The following CD163L1 variants were observed in gnomAD, a reference collection of about 807,000 sequenced individuals.
The protein encoded by CD163L1 is scavenger receptor cysteine-rich type 1 protein M160.
CD163L1 carries 124 observed loss-of-function variants against 165.4 expected under a neutral mutation model. That is an observed-to-expected ratio of 0.75 (90% CI 0.65 to 0.87). The LOEUF (loss-of-function observed/expected upper bound fraction) is 0.87. Among genes scored for constraint, CD163L1 ranks in the 40% least tolerant of loss-of-function variants. CD163L1 has a pLI of 0.00. For synonymous variants in CD163L1, 585 were observed against 662.2 expected, an observed-to-expected ratio of 0.88 and a Z score of 1.79; for missense variants, 1,525 against 1,799.9, an observed-to-expected ratio of 0.85 and a Z score of 2.76.
At chr12:7,357,263 G>T in intron 19 of CD163L1, 117 bp downstream of exon 19, 2 of 611,556 alleles carry the variant, frequency 3.3e-6, no homozygotes, top group East Asian at 2.9e-5. Flanking sequence ...AAATACTGGG[G>T]ATATGAACCA....
chr12:7,375,633 T>C (rs779037416), intron 10 of CD163L1, 38 bp from the exon 11 acceptor site: 1 of 1,610,176 alleles, frequency 6.2e-7, no homozygotes, highest in Non-Finnish European at 8.5e-7. Context: ...ACATCATGAC[T>C]TATCAGCTCC....
chr12:7,440,793 ATT>A (rs1457739330), intron 2 of CD163L1, among the ~76,000 whole-genome samples: 1 of 151,750 alleles, frequency 6.6e-6, no homozygotes, highest in Non-Finnish European at 1.5e-5. Context: ...CACCCGGCTA[ATT>A]TTTGTATTTT....
chr12:7,381,577 A>G (rs1947408953), intron 8 of CD163L1, among the ~76,000 whole-genome samples: 1 of 152,192 alleles, frequency 6.6e-6, no homozygotes, highest in South Asian at 2.1e-4. Context: ...TTTCAAAACA[A>G]TAATCATGTG....
intron 8 of CD163L1, among the ~76,000 whole-genome samples, chr12:7,394,997 G>A (rs1279956313): frequency 1.3e-5 from 2 of 152,188 alleles, no homozygotes; most frequent in Non-Finnish European, 2.9e-5. Flanking sequence ...CTGTTGGTGG[G>A]AGTGTAAATT....
At chr12:7,386,603 TCA>T (rs1947522382) in intron 8 of CD163L1, among the ~76,000 whole-genome samples, 1 of 16,756 alleles carries the variant, frequency 6.0e-5, no homozygotes. Flanking sequence ...CGTCAACATA[TCA>T]AAAAAAAAAA....
Position 7,379,255 on chromosome 12 carries a change from C to T in CD163L1, c.2094G>A (p.Arg698=). The part of the protein sequence containing the change: ...MELRLVGGSS[R]CAGKVEVNVQ... Reference sequence around the variant, plus strand: ...CATTCACCTCAACTTTTCCAGCACACCTGCTGCTTCCACCCACAAGCCTCA... The same window carrying T: ...CATTCACCTCAACTTTTCCAGCACATCTGCTGCTTCCACCCACAAGCCTCA... The change falls in exon 9 of 20, where the codon AGG becomes AGA. Residue 698 remains arginine, a synonymous_variant. Transcript: ENST00000313599. 1 of 1,614,166 alleles carries T rather than the reference C, an allele frequency of 6.2e-7. No homozygotes were observed. The highest frequency in any genetic ancestry group is 8.5e-7 in the Non-Finnish European group (1 of 1,180,010).
chr12:7,352,889 G>C (rs1946717055), downstream of CD163L1, among the ~76,000 whole-genome samples: 1 of 151,980 alleles, frequency 6.6e-6, no homozygotes, highest in South Asian at 2.1e-4. Flanking sequence ...AAAATGTACA[G>C]CTCTAAACAA....
intron 2 of CD163L1, among the ~76,000 whole-genome samples, chr12:7,440,301 G>T (rs1948811256): frequency 6.6e-6 from 1 of 151,542 alleles, no homozygotes; most frequent in Admixed American, 6.6e-5. Flanking sequence ...ACTGCGCAGT[G>T]CCGCGCCCGG....
the CD163L1 span, among the ~76,000 whole-genome samples, chr12:7,321,641 C>T: frequency 4.6e-5 from 7 of 152,208 alleles, no homozygotes; most frequent in Non-Finnish European, 1.0e-4. Context: ...TTGTATTCTA[C>T]CCACACCCTC....
chr12:7,337,599 A>G, the CD163L1 span, among the ~76,000 whole-genome samples: 2 of 152,210 alleles, frequency 1.3e-5, no homozygotes, highest in African/African-American at 2.4e-5. Context: ...GAGAAATGCA[A>G]ATCAAAACCA....
chr12:7,439,012 G>T lies in CD163L1; in HGVS notation c.124+2142C>A, dbSNP rs774106499. ...TTCTCGGGGTCTTCTTTTTCCTCCT[G>T]CCTCTGACATCGGTATCCTCCTCAG... On this transcript the variant is annotated intron_variant, in intron 2 of 19. Transcript: ENST00000313599. 6 of 1,604,798 alleles carry T rather than the reference G, an allele frequency of 3.7e-6. No homozygotes were observed. In the South Asian group the frequency reaches 6.6e-5, roughly 18 times the overall value.
intron 6 of CD163L1, 26 bp downstream of exon 6, chr12:7,403,509 A>T (rs1316880331): frequency 1.9e-6 from 3 of 1,580,674 alleles, no homozygotes; most frequent in Non-Finnish European, 2.6e-6. Flanking sequence ...TCAAATGTGT[A>T]CACTCTCATG....
chr12:7,439,888 A>G, intron 2 of CD163L1: 2 of 1,604,260 alleles, frequency 1.2e-6, no homozygotes. Context: ...ATCCCCGCCC[A>G]CTACTCCAAC....
At chr12:7,380,990 C>T (rs1947394754) in intron 8 of CD163L1, among the ~76,000 whole-genome samples, 2 of 151,908 alleles carry the variant, frequency 1.3e-5, no homozygotes, top group African/African-American at 4.8e-5. Flanking sequence ...AATAATATTG[C>T]CTACTAATTT....
At chr12:7,422,751 ATG>A (rs72061380) in intron 4 of CD163L1, among the ~76,000 whole-genome samples, 97,152 of 143,688 alleles carry the variant, frequency 0.68, 34,001 homozygotes, top group Middle Eastern at 0.82. Flanking sequence ...ATATATACAT[ATG>A]TGTGTGTGTG....
At chr12:7,442,071 T>C (rs1433976941) in intron 1 of CD163L1, among the ~76,000 whole-genome samples, 2 of 152,180 alleles carry the variant, frequency 1.3e-5, no homozygotes, top group East Asian at 1.9e-4. Flanking sequence ...ATTTACATTA[T>C]AGAAAGATTA....
rs771801356 is a variant in CD163L1, at chr12:7,441,240, C to A, written c.38G>T (p.Gly13Val). The change falls in exon 2 of 20, where the codon GGA (glycine) becomes GTA (valine). Residue 13 changes from glycine (G) to valine (V), a missense_variant. Physicochemically the swap from Gly to Val is moderately radical, Grantham distance 109 (BLOSUM62 -3). Transcript: ENST00000313599. ...AAGGTTCTGATGACAGCAGCATCTT[C>A]CAAAATCTGGAGAAACAAAATATAG... ...LPQNSWHIDF[G>V]RCCCHQNLFS... 1.2e-6 allele frequency: 2 copies of A among 1,613,300 alleles called. No individual in the cohort carries two copies. The highest frequency in any genetic ancestry group is 1.7e-6 in the Non-Finnish European group (2 of 1,179,456).
chr12:7,437,195 ATAG>A lies in CD163L1; in HGVS notation c.125-3504_125-3502del, dbSNP rs1487174972. ...TAGTATTACTTTTATTTTTATTTTA[ATAG>A]TATTACTTTTTTATTTTAATAGTAT... On this transcript the variant is annotated intron_variant, in intron 2 of 19. Coordinates refer to ENST00000313599, the MANE Select transcript of CD163L1 (RefSeq NM_174941.6). 5.2e-3 allele frequency among the ~76,000 whole-genome samples: 400 copies of A among 76,602 alleles called. 3 individuals carry two copies. The highest frequency in any genetic ancestry group is 0.011 in the African/African-American group (351 of 33,214). 50.3% of individuals were successfully genotyped at this position (76,602 alleles called of 152,430 possible).
chr12:7,398,009 A>T lies in CD163L1; in HGVS notation c.1729+255T>A, dbSNP rs989893717. Among the ~76,000 whole-genome samples, 1 of 152,188 alleles carries T rather than the reference A, an allele frequency of 6.6e-6. No homozygotes were observed. The highest frequency in any genetic ancestry group is 2.4e-5 in the African/African-American group (1 of 41,450). On this transcript the variant is annotated intron_variant, in intron 7 of 19. Coordinates refer to ENST00000313599, the MANE Select transcript of CD163L1 (RefSeq NM_174941.6). This position sits in a 1 kb window ranked among gnomAD's most constrained non-coding sequence, Gnocchi z 4.5. ...AAGGTGGCCTACACTTAATGAAGTTAAAAGGCCAAACTGCTTCTGTATATG... is the reference window on the plus strand; with the variant it reads ...AAGGTGGCCTACACTTAATGAAGTTTAAAGGCCAAACTGCTTCTGTATATG...
Sources: allele counts gnomAD v4.1 joint callset (sites outside exome capture counted in the v4.1 genomes callset), GRCh38; gene constraint gnomAD v4.1.1; non-coding constraint Gnocchi (gnomAD v3.1); transcripts MANE v1.5; gene names NCBI Gene and HGNC (gene_info 2026-07-23, HGNC 2026-07-21).